The following IL1RAPL1 variants were observed in gnomAD, a reference collection of about 807,000 sequenced individuals.
IL1RAPL1 encodes the protein interleukin-1 receptor accessory protein-like 1.
A neutral mutation model predicts 48.4 loss-of-function variants in IL1RAPL1; 3 were observed. That is an observed-to-expected ratio of 0.06 (90% CI 0.03 to 0.16). The LOEUF is 0.16. Among genes scored for constraint, IL1RAPL1 ranks in the 10% least tolerant of loss-of-function variants. The pLI is 1.00. For missense variants in IL1RAPL1, 349 were observed against 530.6 expected, an observed-to-expected ratio of 0.66 and a Z score of 3.36; for synonymous variants, 185 against 187.7, an observed-to-expected ratio of 0.99 and a Z score of 0.12.
intron 2 of IL1RAPL1, among the ~76,000 whole-genome samples, chrX:29,176,168 A>G (rs1347474527): frequency 1.0e-5 from 1 of 98,176 alleles, no homozygotes; most frequent in Non-Finnish European, 2.0e-5. Context: ...ATCTCGGCTC[A>G]CTACAAGCTC....
intron 2 of IL1RAPL1, among the ~76,000 whole-genome samples, chrX:28,828,446 G>A (rs994349472): frequency 4.5e-5 from 5 of 110,991 alleles, no homozygotes; most frequent in African/African-American, 1.6e-4. Context: ...TTTTAATTTG[G>A]TTGACTTGAG....
intron 2 of IL1RAPL1, among the ~76,000 whole-genome samples, chrX:29,091,381 C>G (rs995212966): frequency 9.0e-6 from 1 of 111,543 alleles, no homozygotes; most frequent in Non-Finnish European, 1.9e-5. Flanking sequence ...CTTAGTCTCC[C>G]CTGCTCTGCT....
chrX:28,659,225 A>C (rs1439319170), intron 1 of IL1RAPL1: 1 of 742,390 alleles, frequency 1.3e-6, no homozygotes, highest in Non-Finnish European at 2.1e-6. Context: ...CTGGAAGCGC[A>C]GATCTGTTTT....
chrX:29,205,641 G>A (rs1930648435), intron 2 of IL1RAPL1, among the ~76,000 whole-genome samples: 1 of 111,861 alleles, frequency 8.9e-6, no homozygotes, highest in African/African-American at 3.2e-5. Flanking sequence ...AAGTAACTGT[G>A]AGGATTAAAT....
At chrX:29,117,081 T>A (rs1027428559) in intron 2 of IL1RAPL1, among the ~76,000 whole-genome samples, 4 of 111,049 alleles carry the variant, frequency 3.6e-5, no homozygotes, top group African/African-American at 1.3e-4. Flanking sequence ...GAAGATGTAA[T>A]TGTGTGATTA....
chrX:29,020,146 AAT>A (rs1287263974), intron 2 of IL1RAPL1, among the ~76,000 whole-genome samples: 57 of 112,570 alleles, frequency 5.1e-4, no homozygotes, highest in African/African-American at 1.8e-3. Flanking sequence ...TTATTGAGCA[AAT>A]GCATTAATAA....
chrX:29,004,545 G>T (rs1925930908), intron 2 of IL1RAPL1, among the ~76,000 whole-genome samples: 1 of 112,344 alleles, frequency 8.9e-6, no homozygotes. Flanking sequence ...TTATCTTTGA[G>T]TATTTAGTAG....
chrX:29,842,021 A>T (rs948312573), intron 6 of IL1RAPL1, among the ~76,000 whole-genome samples: 2 of 112,259 alleles, frequency 1.8e-5, no homozygotes. Context: ...CTTCAGCAGG[A>T]AGTTGTGACA....
At chrX:29,493,970 C>T (rs1239480126) in intron 5 of IL1RAPL1, among the ~76,000 whole-genome samples, 4 of 111,556 alleles carry the variant, frequency 3.6e-5, no homozygotes, top group Admixed American at 9.5e-5. Flanking sequence ...TCTCAGCTCA[C>T]GGCAACCTCT....
chrX:28,883,466 T>C (rs1272691151), intron 2 of IL1RAPL1, among the ~76,000 whole-genome samples: 2 of 112,047 alleles, frequency 1.8e-5, no homozygotes, highest in African/African-American at 6.5e-5. Flanking sequence ...ATATAATTCA[T>C]TTAATTTAAC....
At chrX:29,264,745 T>C (rs1289997421) in intron 2 of IL1RAPL1, among the ~76,000 whole-genome samples, 1 of 111,015 alleles carries the variant, frequency 9.0e-6, no homozygotes, top group African/African-American at 3.3e-5. Context: ...TTACTCTCTA[T>C]GTACCTGTTT....
intron 2 of IL1RAPL1, among the ~76,000 whole-genome samples, chrX:29,005,728 A>C (rs1008739147): frequency 1.8e-5 from 2 of 111,819 alleles, no homozygotes; most frequent in Middle Eastern, 4.2e-3. Flanking sequence ...TGAGAAAGTC[A>C]TAATAAAAGG....
At chrX:29,922,200 A>G (rs1336727642) in intron 8 of IL1RAPL1, among the ~76,000 whole-genome samples, 3 of 111,401 alleles carry the variant, frequency 2.7e-5, no homozygotes, top group Non-Finnish European at 5.7e-5. Flanking sequence ...AAAAACCTCC[A>G]GGCTAAGTTG....
intron 5 of IL1RAPL1, among the ~76,000 whole-genome samples, chrX:29,474,763 T>A (rs1934955790): frequency 9.0e-6 from 1 of 111,630 alleles, no homozygotes; most frequent in Non-Finnish European, 1.9e-5. Context: ...TCATGAGACA[T>A]CTGCCCCCAT....
intron 6 of IL1RAPL1, among the ~76,000 whole-genome samples, chrX:29,669,456 T>G (rs1926088071): frequency 9.0e-6 from 1 of 111,656 alleles, no homozygotes. Flanking sequence ...AATGTTATTC[T>G]TATTCCTGGA....
chrX:29,767,793 A>T (rs757746697), intron 6 of IL1RAPL1, among the ~76,000 whole-genome samples: 10 of 111,803 alleles, frequency 8.9e-5, no homozygotes, highest in Admixed American at 1.9e-4. Flanking sequence ...CTGGTATCTG[A>T]TCTTGTAAAT....
intron 5 of IL1RAPL1, among the ~76,000 whole-genome samples, chrX:29,470,712 C>G (rs1333518340): frequency 9.0e-6 from 1 of 111,274 alleles, no homozygotes; most frequent in Non-Finnish European, 1.9e-5. Context: ...TAGCTCATTG[C>G]AGCCTCAAAC....
At chrX:29,809,936 A>G (rs1215015112) in intron 6 of IL1RAPL1, among the ~76,000 whole-genome samples, 1 of 110,884 alleles carries the variant, frequency 9.0e-6, no homozygotes, top group Non-Finnish European at 1.9e-5. Flanking sequence ...TTTTGCTTTC[A>G]TTCTTGAATA....
intron 6 of IL1RAPL1, among the ~76,000 whole-genome samples, chrX:29,856,005 T>A (rs1164316366): frequency 1.6e-4 from 18 of 111,652 alleles, no homozygotes; most frequent in Admixed American, 1.5e-3. Flanking sequence ...GGGAATTTGA[T>A]GAAAGCTATG....
Sources: gnomAD v4.1 joint callset for allele counts (sites outside exome capture counted in the v4.1 genomes callset) on GRCh38, gnomAD v4.1.1 for gene constraint, MANE v1.5 for transcripts, NCBI Gene and HGNC (gene_info 2026-07-23, HGNC 2026-07-21) for gene names.